KCNQ3: variants seen among roughly 807,000 people sequenced by gnomAD.
KCNQ3 encodes potassium voltage-gated channel subfamily Q member 3.
Under a neutral mutation model 92.5 loss-of-function variants are expected in KCNQ3, and 30 were observed. That is an observed-to-expected ratio of 0.32 (90% CI 0.24 to 0.44). The LOEUF (loss-of-function observed/expected upper bound fraction) is 0.44. KCNQ3 is among the 20% of genes least tolerant of loss of function. The pLI, the probability that KCNQ3 is intolerant of heterozygous loss-of-function variation, is 1.00. For missense variants in KCNQ3, 913 were observed against 1,140.3 expected, an observed-to-expected ratio of 0.80 and a Z score of 2.87; for synonymous variants, 450 against 468.8, an observed-to-expected ratio of 0.96 and a Z score of 0.52.
chr8:132,402,740 C>T (rs188902985), intron 1 of KCNQ3, among the ~76,000 whole-genome samples: 8 of 151,952 alleles, frequency 5.3e-5, no homozygotes, highest in Non-Finnish European at 7.4e-5. Context: ...TGTATTGGCC[C>T]GGCGCGGTGG....
intron 1 of KCNQ3, among the ~76,000 whole-genome samples, chr8:132,218,587 T>C (rs1334030004): frequency 6.6e-6 from 1 of 152,226 alleles, no homozygotes; most frequent in East Asian, 1.9e-4. Context: ...GAAAGTTTTA[T>C]TATCCCCATT....
intron 9 of KCNQ3, among the ~76,000 whole-genome samples, chr8:132,147,626 G>GAT (rs1825494022): frequency 6.6e-6 from 1 of 152,172 alleles, no homozygotes; most frequent in Non-Finnish European, 1.5e-5. Flanking sequence ...ATAAATGGAT[G>GAT]ATAGATGAAT....
At chr8:132,347,833 C>T (rs1228687834) in intron 1 of KCNQ3, among the ~76,000 whole-genome samples, 4 of 151,820 alleles carry the variant, frequency 2.6e-5, no homozygotes, top group Non-Finnish European at 5.9e-5. Flanking sequence ...AACAATTAGC[C>T]GGGCCTGGTG....
intron 1 of KCNQ3, among the ~76,000 whole-genome samples, chr8:132,367,846 C>A (rs1490758886): frequency 6.6e-6 from 1 of 152,204 alleles, no homozygotes; most frequent in Non-Finnish European, 1.5e-5. Flanking sequence ...CTCTACTTCT[C>A]CCAGACATAT....
chr8:132,157,098 T>G (rs973660138), intron 9 of KCNQ3, among the ~76,000 whole-genome samples: 5 of 152,206 alleles, frequency 3.3e-5, no homozygotes, highest in Non-Finnish European at 7.4e-5. Context: ...AAATTTCTGT[T>G]GTTCTAAGTC....
At chr8:132,150,907 A>T (rs1445582236) in intron 9 of KCNQ3, among the ~76,000 whole-genome samples, 1 of 152,206 alleles carries the variant, frequency 6.6e-6, no homozygotes, top group African/African-American at 2.4e-5. Context: ...TGGATCAAAT[A>T]TTTTTTAAAG....
At chr8:132,301,497 G>A (rs141222946) in intron 1 of KCNQ3, among the ~76,000 whole-genome samples, 30 of 152,232 alleles carry the variant, frequency 2.0e-4, no homozygotes, top group African/African-American at 5.5e-4. Context: ...CTCTGAAATC[G>A]TAAATAATAA....
intron 7 of KCNQ3, among the ~76,000 whole-genome samples, chr8:132,171,254 G>A (rs1826337781): frequency 6.6e-6 from 1 of 151,900 alleles, no homozygotes; most frequent in East Asian, 1.9e-4. Context: ...TTGGAAACTG[G>A]GACAGGCCTA....
At chr8:132,268,202 A>C (rs1816048723) in intron 1 of KCNQ3, among the ~76,000 whole-genome samples, 1 of 152,026 alleles carries the variant, frequency 6.6e-6, no homozygotes, top group Non-Finnish European at 1.5e-5. Flanking sequence ...GCTTTTTCAG[A>C]TTGGCTTCTT....
chr8:132,194,914 C>T (rs1827262127), intron 1 of KCNQ3, among the ~76,000 whole-genome samples: 1 of 152,222 alleles, frequency 6.6e-6, no homozygotes, highest in Non-Finnish European at 1.5e-5. Context: ...CAGCCTGCTA[C>T]ATCCTCCACT....
chr8:132,128,524 T>C lies in KCNQ3; in HGVS notation c.*738A>G, dbSNP rs981811591. The C allele has an allele frequency of 6.6e-6, 1 of 151,702 alleles. No homozygotes were observed. Among genetic ancestry groups the C allele is most frequent in the Non-Finnish European group, 1.5e-5 (1 of 68,396 alleles). The allele number at this position is 151,702 out of a possible 1,614,324, so 9.4% of individuals were successfully genotyped here. On this transcript the variant is annotated 3_prime_UTR_variant, in exon 15 of 15. Transcript: ENST00000388996. ...CTTTGTGTATGTGTGTGTGTGTGTGTGTGTGTGTGTGTGTGTGTGTGTTTT... is the reference window on the plus strand; with the variant it reads ...CTTTGTGTATGTGTGTGTGTGTGTGCGTGTGTGTGTGTGTGTGTGTGTTTT...
At chr8:132,188,722 T>C (rs556301895) in intron 1 of KCNQ3, among the ~76,000 whole-genome samples, 2 of 152,342 alleles carry the variant, frequency 1.3e-5, no homozygotes, top group South Asian at 2.1e-4. Flanking sequence ...TTCCTCATTA[T>C]GCAAGGACTC....
chr8:132,462,175 T>TTATG (rs962381193), intron 1 of KCNQ3, among the ~76,000 whole-genome samples: 8 of 97,836 alleles, frequency 8.2e-5, no homozygotes, highest in East Asian at 6.0e-4. Flanking sequence ...GTACATTTAT[T>TTATG]TATGTATTTA....
At chr8:132,298,244 C>A (rs1374223078) in intron 1 of KCNQ3, among the ~76,000 whole-genome samples, 1 of 152,200 alleles carries the variant, frequency 6.6e-6, no homozygotes, top group Non-Finnish European at 1.5e-5. Flanking sequence ...TGGGCAAACT[C>A]CCTCTGCATT....
chr8:132,186,164 C>T lies in KCNQ3; in HGVS notation c.404G>A (p.Gly135Glu), dbSNP rs1826949634. 1 of 1,613,498 alleles carries T rather than the reference C, an allele frequency of 6.2e-7. No individual in the cohort carries two copies. The highest frequency in any genetic ancestry group is 8.5e-7 in the Non-Finnish European group (1 of 1,179,470). Reference sequence around the variant, plus strand: ...GGTCAGGACAGCCAGAATCAAGCACCCCAGGACAATCAGGAACCTAGAGGG... The same window carrying T: ...GGTCAGGACAGCCAGAATCAAGCACTCCAGGACAATCAGGAACCTAGAGGG... ...YHALVFLIVL[G>E]CLILAVLTTF... Residue 135 changes from glycine to glutamate, a missense_variant, in exon 2 of 15, where the codon GGG (glycine) becomes GAG (glutamate). By Grantham distance (98) the Gly-to-Glu change is moderately conservative. Coordinates refer to ENST00000388996, the MANE Select transcript of KCNQ3 (RefSeq NM_004519.4).
intron 11 of KCNQ3, among the ~76,000 whole-genome samples, chr8:132,138,773 A>G (rs1174956035): frequency 6.6e-6 from 1 of 152,198 alleles, no homozygotes; most frequent in Non-Finnish European, 1.5e-5. Flanking sequence ...TGCTTGCGCA[A>G]GTCGTTTTAA....
intron 1 of KCNQ3, among the ~76,000 whole-genome samples, chr8:132,189,860 G>A (rs1827105758): frequency 8.1e-6 from 1 of 124,002 alleles, no homozygotes; most frequent in Non-Finnish European, 1.7e-5. Flanking sequence ...ATTAGAGATG[G>A]GGATTGGTGT....
chr8:132,433,247 A>G (rs1821298979), intron 1 of KCNQ3, among the ~76,000 whole-genome samples: 1 of 152,124 alleles, frequency 6.6e-6, no homozygotes. Flanking sequence ...CTGGATCATT[A>G]GCCCCTCCCA....
At position 132,121,806 on chromosome 8, in the gene KCNQ3, G is replaced by A. The variant is rs1279660062; in HGVS notation, c.*7456C>T. The A allele has an allele frequency of 6.6e-6, 1 of 152,184 alleles. No individual in the cohort carries two copies. Among genetic ancestry groups the A allele is most frequent in the Non-Finnish European group, 1.5e-5 (1 of 68,038 alleles). 9.4% of individuals were successfully genotyped at this position (152,184 alleles called of 1,614,324 possible). On this transcript the variant is annotated 3_prime_UTR_variant, in exon 15 of 15. Coordinates refer to ENST00000388996, the MANE Select transcript of KCNQ3 (RefSeq NM_004519.4). ...TAAAAACAATGACAGGAGCTCCTTG[G>A]GGGCAGAGAACAAGGGGCACTTGTG...
Sources: allele counts gnomAD v4.1 joint callset (sites outside exome capture counted in the v4.1 genomes callset), GRCh38; gene constraint gnomAD v4.1.1; transcripts MANE v1.5; gene names NCBI Gene and HGNC (gene_info 2026-07-23, HGNC 2026-07-21).